GNA14: variants seen among roughly 807,000 people sequenced by gnomAD.
GNA14 encodes the protein G protein subunit alpha 14, also known as guanine nucleotide-binding protein subunit alpha-14.
Under a neutral mutation model 42.0 loss-of-function variants are expected in GNA14, and 50 were observed. The observed-to-expected ratio is 1.19, with a 90% confidence interval of 0.95 to 1.51. GNA14 has a LOEUF of 1.51. GNA14 is among the 40% of genes most tolerant of loss of function. The pLI, the probability that GNA14 is intolerant of heterozygous loss-of-function variation, is 0.00. For synonymous variants in GNA14, 173 were observed against 163.1 expected (o/e 1.06, Z -0.46); for missense variants, 473 against 446.2 (o/e 1.06, Z -0.54).
chr9:77,476,471 A>G (rs1451347355), intron 2 of GNA14, among the ~76,000 whole-genome samples: 3 of 152,194 alleles, frequency 2.0e-5, no homozygotes, highest in Non-Finnish European at 2.9e-5. Flanking sequence ...ACAGAATCGT[A>G]AAGCTCCCAC....
chr9:77,473,589 T>C (rs891980591), intron 2 of GNA14, among the ~76,000 whole-genome samples: 1 of 150,108 alleles, frequency 6.7e-6, no homozygotes, highest in Non-Finnish European at 1.5e-5. Context: ...TTCAATACAA[T>C]CTCTATTAAA....
chr9:77,539,250 T>C (rs913911933), intron 1 of GNA14, among the ~76,000 whole-genome samples: 10 of 152,256 alleles, frequency 6.6e-5, no homozygotes, highest in African/African-American at 7.2e-5. Flanking sequence ...TCTTTCTCCA[T>C]TTATGGAGGT....
intron 2 of GNA14, among the ~76,000 whole-genome samples, chr9:77,473,026 A>G (rs887789966): frequency 6.6e-6 from 1 of 152,244 alleles, no homozygotes; most frequent in African/African-American, 2.4e-5. Flanking sequence ...AGTAATCAAC[A>G]TTCCAAAAAT....
Position 77,560,286 on chromosome 9 carries a change from C to CTT in GNA14, c.125-31035_125-31034dup, listed in dbSNP as rs770870060. Among the ~76,000 whole-genome samples the CTT allele has an allele frequency of 8.3e-4, 99 of 119,538 alleles. 2 individuals carry two copies. Among genetic ancestry groups the CTT allele is most frequent in the African/African-American group, 1.3e-3 (38 of 29,488 alleles). The allele number at this position is 119,538 out of a possible 152,430, so 78.4% of individuals were successfully genotyped here. A position where few individuals can be genotyped will look rare whatever the true frequency, so the allele number is the denominator to read the frequency against. On this transcript the variant is annotated intron_variant, in intron 1 of 6. Coordinates refer to ENST00000341700, the MANE Select transcript of GNA14 (RefSeq NM_004297.4). ...TAATTAATTTTTTTTCCTCTCCAGT[C>CTT]TTTTTTTTTTTTTTTTTTTTGAGGT...
At chr9:77,578,191 G>T (rs57542302) in intron 1 of GNA14, among the ~76,000 whole-genome samples, 5,823 of 152,228 alleles carry the variant, frequency 0.038, 379 homozygotes, top group African/African-American at 0.13. Context: ...CAGGAGAATC[G>T]CTTGAACCTG....
intron 1 of GNA14, among the ~76,000 whole-genome samples, chr9:77,641,721 G>A (rs563354655): frequency 6.6e-6 from 1 of 152,336 alleles, no homozygotes; most frequent in South Asian, 2.1e-4. Flanking sequence ...TGTACTGGAG[G>A]TGGGGGAACA....
At chr9:77,428,368 C>T (rs565716991) in intron 5 of GNA14, among the ~76,000 whole-genome samples, 10 of 152,006 alleles carry the variant, frequency 6.6e-5, no homozygotes, top group Middle Eastern at 3.4e-3. Context: ...CGTGAGCCAC[C>T]GTGCCCAGCC....
At chr9:77,627,465 C>T (rs1824027928) in intron 1 of GNA14, among the ~76,000 whole-genome samples, 1 of 152,104 alleles carries the variant, frequency 6.6e-6, no homozygotes, top group East Asian at 1.9e-4. Flanking sequence ...AATTCAGGCA[C>T]CTGATGAACA....
chr9:77,474,653 C>G (rs926047797), intron 2 of GNA14, among the ~76,000 whole-genome samples: 3 of 152,082 alleles, frequency 2.0e-5, no homozygotes, highest in African/African-American at 7.2e-5. Flanking sequence ...AGGCATATAC[C>G]CAAGAGAACT....
intron 1 of GNA14, among the ~76,000 whole-genome samples, chr9:77,604,620 G>C (rs529815938): frequency 1.4e-4 from 22 of 152,242 alleles, no homozygotes; most frequent in Admixed American, 5.2e-4. Flanking sequence ...CCACCTTTCA[G>C]TCCTTACCAA....
At chr9:77,540,517 G>A (rs1386632131) in intron 1 of GNA14, among the ~76,000 whole-genome samples, 2 of 152,100 alleles carry the variant, frequency 1.3e-5, no homozygotes, top group Non-Finnish European at 2.9e-5. Context: ...TGAATCCAAT[G>A]TTTCTTTGTT....
intron 2 of GNA14, among the ~76,000 whole-genome samples, chr9:77,476,320 T>C (rs940658960): frequency 7.9e-5 from 12 of 152,178 alleles, no homozygotes; most frequent in African/African-American, 2.9e-4. Context: ...AAACCCAGCA[T>C]CGCCATCTCT....
At chr9:77,590,825 G>A (rs1283562971) in intron 1 of GNA14, among the ~76,000 whole-genome samples, 1 of 152,028 alleles carries the variant, frequency 6.6e-6, no homozygotes, top group Non-Finnish European at 1.5e-5. Flanking sequence ...GAATTGAAGT[G>A]GCTCTTAAAC....
intron 2 of GNA14, among the ~76,000 whole-genome samples, chr9:77,436,532 A>G (rs554748741): frequency 1.3e-5 from 2 of 152,248 alleles, no homozygotes; most frequent in South Asian, 2.1e-4. Context: ...CACGGACCCT[A>G]TTCTTGGCTG....
intron 2 of GNA14, among the ~76,000 whole-genome samples, chr9:77,525,909 TA>T (rs202169762): frequency 0.11 from 15,547 of 141,320 alleles, 949 homozygotes; most frequent in Middle Eastern, 0.17. Flanking sequence ...GGACTTTTTT[TA>T]AAAAAAAAAA....
intron 1 of GNA14, among the ~76,000 whole-genome samples, chr9:77,558,947 A>G (rs981498129): frequency 6.6e-6 from 1 of 151,966 alleles, no homozygotes; most frequent in Non-Finnish European, 1.5e-5. Flanking sequence ...AAAACAAAAA[A>G]CAAACAAACA....
chr9:77,597,315 G>A (rs1401563693), intron 1 of GNA14, among the ~76,000 whole-genome samples: 1 of 152,122 alleles, frequency 6.6e-6, no homozygotes, highest in Non-Finnish European at 1.5e-5. Context: ...TGTTGCATTT[G>A]TACCATGTAA....
At chr9:77,568,491 C>CAA (rs35795655) in intron 1 of GNA14, among the ~76,000 whole-genome samples, 2 of 126,866 alleles carry the variant, frequency 1.6e-5, no homozygotes, top group East Asian at 2.4e-4. Flanking sequence ...GACTCCATCT[C>CAA]AAAAAAAAAA....
chr9:77,550,560 A>G (rs1837775739), intron 1 of GNA14, among the ~76,000 whole-genome samples: 1 of 152,224 alleles, frequency 6.6e-6, no homozygotes, highest in Non-Finnish European at 1.5e-5. Context: ...CGCAGTGCAC[A>G]TCTAGGTTCA....
Sources: gnomAD v4.1 joint callset for allele counts (sites outside exome capture counted in the v4.1 genomes callset) on GRCh38, gnomAD v4.1.1 for gene constraint, MANE v1.5 for transcripts, NCBI Gene and HGNC (gene_info 2026-07-23, HGNC 2026-07-21) for gene names.